Variants in AOPEP observed in about 807,000 individuals in gnomAD.
AOPEP encodes the protein aminopeptidase O.
In AOPEP, 77 loss-of-function variants were observed where a neutral mutation model predicts 98.1. That is an observed-to-expected ratio of 0.78 (90% CI 0.65 to 0.95). The LOEUF (loss-of-function observed/expected upper bound fraction) is 0.95. AOPEP is among the 40% of genes least tolerant of loss of function. The probability of loss-of-function intolerance (pLI) is 0.00; values close to 1 mark genes in which losing one functional copy is unlikely to be tolerated. For missense variants in AOPEP, 1,024 were observed against 1,024.7 expected, an observed-to-expected ratio of 1.00 and a Z score of 0.01; for synonymous variants, 346 against 365.3, an observed-to-expected ratio of 0.95 and a Z score of 0.60.
At chr9:94,966,879 T>C (rs1247139962) in intron 9 of AOPEP, among the ~76,000 whole-genome samples, 1 of 152,230 alleles carries the variant, frequency 6.6e-6, no homozygotes, top group Admixed American at 6.5e-5. Context: ...CAGTACAAAT[T>C]AAATATAAAC....
chr9:94,917,425 G>A (rs959230032), intron 5 of AOPEP, among the ~76,000 whole-genome samples: 32 of 152,034 alleles, frequency 2.1e-4, no homozygotes, highest in African/African-American at 7.3e-4. Flanking sequence ...CTCCCCTTCC[G>A]CCCTCATGCC....
the AOPEP span, among the ~76,000 whole-genome samples, chr9:95,142,034 C>G: frequency 7.2e-6 from 1 of 138,002 alleles, no homozygotes; most frequent in Non-Finnish European, 1.5e-5. Context: ...CTCTTGTCGC[C>G]CAGGCTGGAG....
intron 5 of AOPEP, among the ~76,000 whole-genome samples, chr9:94,831,390 T>C (rs552199482): frequency 6.6e-6 from 1 of 152,288 alleles, no homozygotes; most frequent in South Asian, 2.1e-4. Context: ...TTCCGAGTTA[T>C]CTGTTCTGTT....
intron 2 of AOPEP, among the ~76,000 whole-genome samples, chr9:94,762,126 C>T (rs967087643): frequency 6.6e-6 from 1 of 152,146 alleles, no homozygotes; most frequent in African/African-American, 2.4e-5. Context: ...GTGATGAGTA[C>T]TTACAGATAA....
chr9:95,058,454 T>G (rs1305520664), intron 13 of AOPEP, among the ~76,000 whole-genome samples: 1 of 152,216 alleles, frequency 6.6e-6, no homozygotes, highest in Non-Finnish European at 1.5e-5. Flanking sequence ...AGGCCCCACT[T>G]CTGGCAAAGG....
rs1472359965 is a variant in AOPEP at position 94,834,929 on chromosome 9, G to C, written c.1364+33927G>C. On this transcript the variant is annotated intron_variant, in intron 5 of 16. Transcript: ENST00000375315. ...TATTTTTTTGAGGGAGACAAACTCT[G>C]TTGTTAGATTGAAGTAATTCAAATG... Among the ~76,000 whole-genome samples, 9 of 152,234 alleles carry C rather than the reference G, an allele frequency of 5.9e-5. No homozygotes were observed. In the East Asian group the frequency reaches 1.3e-3, roughly 23 times the overall value.
chr9:95,125,081 C>A, the AOPEP span: 1 of 1,613,026 alleles, frequency 6.2e-7, no homozygotes, highest in Non-Finnish European at 8.5e-7. Flanking sequence ...TGTGATATAA[C>A]AAACCTGCTT....
intron 1 of AOPEP, among the ~76,000 whole-genome samples, chr9:94,737,704 G>C (rs948339457): frequency 5.3e-5 from 8 of 152,106 alleles, no homozygotes; most frequent in Non-Finnish European, 1.2e-4. Context: ...TAAAATATAA[G>C]ACTGCAATAT....
the AOPEP span, among the ~76,000 whole-genome samples, chr9:95,127,753 G>A: frequency 8.1e-4 from 123 of 152,350 alleles, 2 homozygotes; most frequent in East Asian, 0.023. Context: ...GCCGTGCCCT[G>A]GATCACACTG....
At position 95,086,943 on chromosome 9, in the gene AOPEP, G is replaced by A; in HGVS notation, c.*266G>A. 1.0e-6 allele frequency: 1 copy of A among 987,746 alleles called. No individual in the cohort carries two copies. Among genetic ancestry groups the A allele is most frequent in the Non-Finnish European group, 1.2e-6 (1 of 830,110 alleles). 61.2% of individuals were successfully genotyped at this position (987,746 alleles called of 1,614,324 possible). On this transcript the variant is annotated 3_prime_UTR_variant, in exon 17 of 17. Transcript: ENST00000375315. Reference sequence around the variant, plus strand: ...GAGTGGAGCTGCTCTGAGATTTTGAGTTCTTCTGCAGAGATGATTAAATAT... The same window carrying A: ...GAGTGGAGCTGCTCTGAGATTTTGAATTCTTCTGCAGAGATGATTAAATAT...
chr9:94,996,093 T>G (rs1284572921), intron 11 of AOPEP, among the ~76,000 whole-genome samples: 2 of 152,134 alleles, frequency 1.3e-5, no homozygotes. Flanking sequence ...GAGCCTGGGC[T>G]TTCCTTATAT....
intron 2 of AOPEP, among the ~76,000 whole-genome samples, chr9:94,772,579 T>TC (rs1270210506): frequency 3.3e-5 from 5 of 152,206 alleles, no homozygotes; most frequent in Non-Finnish European, 7.3e-5. Context: ...AGCTTGTTTT[T>TC]CCAAGCATTA....
chr9:94,942,583 C>CA (rs1464292442), intron 7 of AOPEP, among the ~76,000 whole-genome samples: 1 of 151,724 alleles, frequency 6.6e-6, no homozygotes, highest in African/African-American at 2.4e-5. Context: ...GGCAGTTAGG[C>CA]AAAAAAGTGA....
At chr9:95,060,845 G>A (rs780733217) in intron 14 of AOPEP, 35 bp downstream of exon 14, 1 of 1,310,764 alleles carries the variant, frequency 7.6e-7, no homozygotes. Context: ...TAACCAGCAG[G>A]TCCCCACTGT....
In AOPEP at chr9:94,764,935, A is replaced by G. The variant is rs987390190; in HGVS notation, c.797+4355A>G. Among the ~76,000 whole-genome samples, 4 of 152,140 alleles carry G rather than the reference A, an allele frequency of 2.6e-5. No homozygotes were observed. The East Asian group carries it at 7.7e-4, about 29-fold the overall frequency. On this transcript the variant is annotated intron_variant, in intron 2 of 16. Transcript: ENST00000375315. ...GTCACCCAGGGTGGAGAGCAGTGGC[A>G]TGAACTTGGCTCACCAAGTTCTTTC...
chr9:94,855,847 A>G (rs374979942), intron 5 of AOPEP, among the ~76,000 whole-genome samples: 1 of 152,202 alleles, frequency 6.6e-6, no homozygotes, highest in African/African-American at 2.4e-5. Context: ...AACCTACATT[A>G]TACAAAGTCA....
chr9:94,889,824 C>T (rs2048665923), intron 5 of AOPEP, among the ~76,000 whole-genome samples: 1 of 152,206 alleles, frequency 6.6e-6, no homozygotes, highest in Admixed American at 6.5e-5. Context: ...AGTCTTTCCA[C>T]ATCGTCACCA....
chr9:95,135,507 C>G, the AOPEP span: 2 of 1,613,384 alleles, frequency 1.2e-6, no homozygotes, highest in South Asian at 2.2e-5. Flanking sequence ...TTCTTCCTTT[C>G]AGAAAGAAAT....
At chr9:95,041,177 G>T (rs2065258141) in intron 13 of AOPEP, among the ~76,000 whole-genome samples, 1 of 152,082 alleles carries the variant, frequency 6.6e-6, no homozygotes, top group Admixed American at 6.5e-5. Flanking sequence ...CAAACCAAAA[G>T]GCTCTGTGCC....
Sources: allele counts gnomAD v4.1 joint callset (sites outside exome capture counted in the v4.1 genomes callset), GRCh38; gene constraint gnomAD v4.1.1; transcripts MANE v1.5; gene names NCBI Gene and HGNC (gene_info 2026-07-23, HGNC 2026-07-21).